The following WDR89 variants were observed in gnomAD, a reference collection of about 807,000 sequenced individuals.
WDR89 encodes WD repeat domain 89.
A neutral mutation model predicts 29.1 loss-of-function variants in WDR89; 17 were observed. That is an observed-to-expected ratio of 0.58 (90% CI 0.40 to 0.88). The LOEUF (loss-of-function observed/expected upper bound fraction) is 0.88. Among genes scored for constraint, WDR89 ranks in the 40% least tolerant of loss-of-function variants. The probability of loss-of-function intolerance (pLI) is 0.00; values close to 1 mark genes in which losing one functional copy is unlikely to be tolerated. For missense variants in WDR89, 396 were observed against 456.3 expected (o/e 0.87, Z 1.20); for synonymous variants, 138 against 157.8 (o/e 0.87, Z 0.94).
intron 2 of WDR89, among the ~76,000 whole-genome samples, chr14:63,608,025 G>C (rs1039675753): frequency 6.6e-6 from 1 of 152,132 alleles, no homozygotes. Context: ...GGCCAACATG[G>C]TGAAACCCCA....
At chr14:63,632,851 CA>C (rs2139571443) in intron 1 of WDR89, among the ~76,000 whole-genome samples, 1 of 152,242 alleles carries the variant, frequency 6.6e-6, no homozygotes, top group African/African-American at 2.4e-5. Context: ...TCAGCCTCTG[CA>C]CATGAATTGC....
rs71120271 is a variant in WDR89, at chr14:63,620,004, C to CAAAA, written c.-32+4920_-32+4923dup. On this transcript the variant is annotated intron_variant, in intron 2 of 2. Transcript: ENST00000620954. ...TGGGTGACAGAGCGAGACTCCATCT[C>CAAAA]AAAAAAAAAAAAAAAAAAAAGAAAA... is the stretch of plus-strand genomic sequence containing the variant. Among the ~76,000 whole-genome samples the CAAAA allele has an allele frequency of 5.0e-3, 362 of 72,376 alleles. 4 individuals are homozygous for CAAAA. The highest frequency in any genetic ancestry group is 0.016 in the African/African-American group (311 of 19,760). The allele number at this position is 72,376 out of a possible 152,430, so 47.5% of individuals were successfully genotyped here.
intron 1 of WDR89, among the ~76,000 whole-genome samples, chr14:63,634,870 CAAA>C (rs56714759): frequency 9.5e-5 from 9 of 95,084 alleles, no homozygotes; most frequent in African/African-American, 2.4e-4. Context: ...AACTACATCT[CAAA>C]AAAAAAAAAA....
chr14:63,633,917 A>C (rs17101326), intron 1 of WDR89, among the ~76,000 whole-genome samples: 4 of 152,236 alleles, frequency 2.6e-5, no homozygotes, highest in African/African-American at 7.2e-5. Flanking sequence ...TTCACTAAAC[A>C]TAAGAATTAG....
intron 2 of WDR89, chr14:63,601,901 ATT>A: frequency 3.7e-6 from 2 of 536,394 alleles, no homozygotes. Context: ...TAATTTCCAT[ATT>A]TCTCTTTTAT....
chr14:63,609,547 G>A (rs1566792050), intron 2 of WDR89, among the ~76,000 whole-genome samples: 1 of 152,128 alleles, frequency 6.6e-6, no homozygotes, highest in East Asian at 1.9e-4. Context: ...CCAGCACTTC[G>A]GGAAGCCGAG....
chr14:63,604,668 C>T (rs978943926), intron 2 of WDR89, among the ~76,000 whole-genome samples: 5 of 152,194 alleles, frequency 3.3e-5, no homozygotes, highest in African/African-American at 9.6e-5. Context: ...TCTTTTCACT[C>T]AATATAATTT....
rs565357112 is a variant in WDR89, at chr14:63,630,245, AC to A, written c.-137-5213del. ...TTACAGGCGTGAGCCACTGCACCCAACCCAGAGTCACATATTAAATTGCTCA... is the reference window on the plus strand; with the variant it reads ...TTACAGGCGTGAGCCACTGCACCCAACCAGAGTCACATATTAAATTGCTCA... On this transcript the variant is annotated intron_variant, in intron 1 of 2. Transcript: ENST00000620954. Among the ~76,000 whole-genome samples, 1,015 of 151,602 alleles carry A rather than the reference AC, an allele frequency of 6.7e-3. 7 individuals carry two copies. Among genetic ancestry groups the A allele is most frequent in the Middle Eastern group, 0.02 (6 of 294 alleles).
intron 1 of WDR89, among the ~76,000 whole-genome samples, chr14:63,631,682 C>T (rs955284060): frequency 6.6e-6 from 1 of 152,124 alleles, no homozygotes; most frequent in Non-Finnish European, 1.5e-5. Flanking sequence ...GCCACCACAC[C>T]TGGCCAGAGA....
At chr14:63,630,437 G>A (rs1883321956) in intron 1 of WDR89, among the ~76,000 whole-genome samples, 1 of 150,822 alleles carries the variant, frequency 6.6e-6, no homozygotes, top group South Asian at 2.1e-4. Context: ...GAGGTCAGGA[G>A]TTCGAGACCA....
intron 2 of WDR89, chr14:63,601,657 C>A (rs1293102103): frequency 2.5e-6 from 4 of 1,613,004 alleles, no homozygotes; most frequent in East Asian, 2.2e-5. Context: ...GCTGTTGGAT[C>A]GGGTTCTAAA....
intron 1 of WDR89, among the ~76,000 whole-genome samples, chr14:63,627,238 G>A (rs1883133471): frequency 6.7e-6 from 1 of 148,376 alleles, no homozygotes; most frequent in Non-Finnish European, 1.5e-5. Context: ...AATAAAACTA[G>A]AAGTATGTGT....
At chr14:63,611,532 T>C (rs957306113) in intron 2 of WDR89, among the ~76,000 whole-genome samples, 1 of 151,860 alleles carries the variant, frequency 6.6e-6, no homozygotes, top group African/African-American at 2.4e-5. Context: ...ATTTAGTTAA[T>C]AGTATTATTC....
intron 1 of WDR89, among the ~76,000 whole-genome samples, chr14:63,641,126 A>G (rs1884100161): frequency 6.6e-6 from 1 of 151,822 alleles, no homozygotes; most frequent in Non-Finnish European, 1.5e-5. Context: ...GAAAAAGAAA[A>G]AGAAAAACAA....
chr14:63,606,820 G>C (rs1011763700), intron 2 of WDR89, among the ~76,000 whole-genome samples: 3 of 152,154 alleles, frequency 2.0e-5, no homozygotes, highest in African/African-American at 7.2e-5. Flanking sequence ...ATTTTACAAA[G>C]GAAATTGAAG....
At chr14:63,606,560 T>G (rs1351866347) in intron 2 of WDR89, among the ~76,000 whole-genome samples, 1 of 152,198 alleles carries the variant, frequency 6.6e-6, no homozygotes, top group African/African-American at 2.4e-5. Context: ...TAAAATGCTG[T>G]ACAGTGTAGT....
At chr14:63,628,490 C>T (rs944625033) in intron 1 of WDR89, among the ~76,000 whole-genome samples, 1 of 151,982 alleles carries the variant, frequency 6.6e-6, no homozygotes, top group Non-Finnish European at 1.5e-5. Flanking sequence ...AGGTATGTAA[C>T]GTGATGATAA....
chr14:63,605,164 C>A (rs890041251), intron 2 of WDR89, among the ~76,000 whole-genome samples: 5 of 133,720 alleles, frequency 3.7e-5, no homozygotes, highest in African/African-American at 7.4e-5. Flanking sequence ...CTCTCTCTCT[C>A]TCTATATATA....
Position 63,599,508 on chromosome 14 carries a change from A to G in WDR89, c.435T>C (p.Phe145=), listed in dbSNP as rs145041046. Residue 145 remains phenylalanine (F), a synonymous_variant, in exon 3 of 3, where the codon TTT becomes TTC. Transcript: ENST00000620954. Reference sequence around the variant, plus strand: ...TCTGAGAATTCATCCTTGCATCCCAAAACACCAACAATGCATCATCATCAA... The same window carrying G: ...TCTGAGAATTCATCCTTGCATCCCAGAACACCAACAATGCATCATCATCAA... The part of the protein sequence containing the change: ...EKVDDDALLV[F]WDARMNSQNL... 6.2e-7 allele frequency: 1 copy of G among 1,614,162 alleles called. No individual in the cohort carries two copies. The highest frequency in any genetic ancestry group is 8.5e-7 in the Non-Finnish European group (1 of 1,180,028).
Sources: gnomAD v4.1 joint callset for allele counts (sites outside exome capture counted in the v4.1 genomes callset) on GRCh38, gnomAD v4.1.1 for gene constraint, MANE v1.5 for transcripts, NCBI Gene and HGNC (gene_info 2026-07-23, HGNC 2026-07-21) for gene names.